SPTLC1: variants seen among roughly 807,000 people sequenced by gnomAD.
SPTLC1 encodes serine palmitoyltransferase long chain base subunit 1.
A neutral mutation model predicts 68.9 loss-of-function variants in SPTLC1; 55 were observed. The ratio of observed to expected loss-of-function variants is 0.80; its 90% CI spans 0.64 to 1.00. The LOEUF is 1.00. SPTLC1 is among the 50% of genes least tolerant of loss of function. The probability of loss-of-function intolerance (pLI) is 0.00; values close to 1 mark genes in which losing one functional copy is unlikely to be tolerated. For missense variants in SPTLC1, 449 were observed against 573.1 expected, an observed-to-expected ratio of 0.78 and a Z score of 2.21; for synonymous variants, 197 against 201.6, an observed-to-expected ratio of 0.98 and a Z score of 0.19.
chr9:92,107,035 A>G (rs1195631775), intron 3 of SPTLC1, among the ~76,000 whole-genome samples: 1 of 152,232 alleles, frequency 6.6e-6, no homozygotes, highest in East Asian at 1.9e-4. Context: ...AAGCCTCCTA[A>G]ATTAATCCAT....
At chr9:92,035,828 C>T (rs1193059600) in intron 13 of SPTLC1, among the ~76,000 whole-genome samples, 2 of 152,222 alleles carry the variant, frequency 1.3e-5, no homozygotes, top group Non-Finnish European at 2.9e-5. Context: ...AACAGCCTCC[C>T]GCTGACTCTA....
In SPTLC1 at chr9:92,032,397, T is replaced by C. The variant is rs777118329; in HGVS notation, c.*68A>G. The C allele has an allele frequency of 1.4e-5, 23 of 1,612,354 alleles. No individual in the cohort carries two copies. In the African/African-American group the frequency reaches 1.5e-4, roughly 10 times the overall value. On this transcript the variant is annotated 3_prime_UTR_variant, in exon 15 of 15. Coordinates refer to ENST00000262554, the MANE Select transcript of SPTLC1 (RefSeq NM_006415.4). ...TCTTGCTCTCTTTCAGGCCACTCCA[T>C]GGCCAGCGGGAGTCTTGAGTCCTCT... is the stretch of plus-strand genomic sequence containing the variant.
chr9:92,096,732 A>AT (rs1333111859), intron 3 of SPTLC1, among the ~76,000 whole-genome samples: 1 of 152,232 alleles, frequency 6.6e-6, no homozygotes, highest in African/African-American at 2.4e-5. Flanking sequence ...AACTGTTAGA[A>AT]GACAGGAAAG....
chr9:92,076,061 T>C (rs1337266988), intron 5 of SPTLC1, among the ~76,000 whole-genome samples: 1 of 152,156 alleles, frequency 6.6e-6, no homozygotes, highest in African/African-American at 2.4e-5. Flanking sequence ...ACTCTCCCCA[T>C]TTACAACCTC....
intron 2 of SPTLC1, chr9:92,111,156 T>A (rs1328613912): frequency 1.3e-5 from 2 of 152,172 alleles, no homozygotes; most frequent in Admixed American, 6.5e-5. Flanking sequence ...TCCAAATTAA[T>A]TTTCCTACAA....
intron 3 of SPTLC1, among the ~76,000 whole-genome samples, chr9:92,105,665 A>G (rs1835940423): frequency 6.7e-6 from 1 of 150,172 alleles, no homozygotes; most frequent in African/African-American, 2.5e-5. Context: ...GGCAGTGAGG[A>G]GCGCCTCTGC....
intron 9 of SPTLC1, 35 bp downstream of exon 9, chr9:92,049,925 A>G: frequency 7.6e-7 from 1 of 1,314,840 alleles, no homozygotes; most frequent in Non-Finnish European, 1.1e-6. Flanking sequence ...TGTCTCCTAT[A>G]AGAGGGGAAA....
chr9:92,034,322 T>C (rs1833068905), intron 14 of SPTLC1, among the ~76,000 whole-genome samples: 1 of 152,234 alleles, frequency 6.6e-6, no homozygotes, highest in Admixed American at 6.5e-5. Flanking sequence ...AGTAAGACAT[T>C]AGTCTTTCAC....
chr9:92,090,148 A>G (rs550765736), intron 3 of SPTLC1, among the ~76,000 whole-genome samples: 4 of 152,378 alleles, frequency 2.6e-5, no homozygotes, highest in African/African-American at 9.6e-5. Context: ...TGGCAATAAG[A>G]AAGTGGTAAA....
At chr9:92,092,126 T>G (rs73653022) in intron 3 of SPTLC1, among the ~76,000 whole-genome samples, 3,023 of 152,264 alleles carry the variant, frequency 0.02, 110 homozygotes, top group African/African-American at 0.069. Context: ...GTCAACTATT[T>G]GAATAATAAT....
intron 6 of SPTLC1, among the ~76,000 whole-genome samples, chr9:92,059,647 G>A (rs1283319723): frequency 6.6e-6 from 1 of 152,104 alleles, no homozygotes; most frequent in Non-Finnish European, 1.5e-5. Context: ...CACCATCAGT[G>A]GCATCTCTGA....
At chr9:92,034,746 T>C (rs972632708) in intron 14 of SPTLC1, 64 bp downstream of exon 14, 14 of 1,390,258 alleles carry the variant, frequency 1.0e-5, no homozygotes, top group East Asian at 2.3e-5. Flanking sequence ...TTTCAAAAGA[T>C]AACGTATTTC....
chr9:92,115,025 G>T, intron 1 of SPTLC1: 1 of 527,078 alleles, frequency 1.9e-6, no homozygotes. Flanking sequence ...GGTTTTTGCA[G>T]ACCTGTCTCC....
In SPTLC1 at chr9:92,070,470, G is replaced by A. The variant is rs894047071; in HGVS notation, c.428-2372C>T. Among the ~76,000 whole-genome samples the A allele has an allele frequency of 2.0e-5, 3 of 152,298 alleles. No homozygotes were observed. In the East Asian group the frequency reaches 5.8e-4, roughly 29 times the overall value. ...CAATTCACTGTTAGTATTAAACACG[G>A]CAGAGAAGTGACCATAGAGGGAGGT... On this transcript the variant is annotated intron_variant, in intron 5 of 14. Coordinates refer to ENST00000262554, the MANE Select transcript of SPTLC1 (RefSeq NM_006415.4).
At chr9:92,111,636 T>C (rs1015111205) in intron 2 of SPTLC1, 3 of 152,142 alleles carry the variant, frequency 2.0e-5, no homozygotes, top group Non-Finnish European at 4.4e-5. Flanking sequence ...TTATGAGGAA[T>C]AGTTATAACA....
At chr9:92,048,263 C>T (rs1367729197) in intron 9 of SPTLC1, among the ~76,000 whole-genome samples, 1 of 152,212 alleles carries the variant, frequency 6.6e-6, no homozygotes, top group Non-Finnish European at 1.5e-5. Context: ...TTGAGTCCTA[C>T]ATCTTTCTGA....
intron 8 of SPTLC1, among the ~76,000 whole-genome samples, chr9:92,053,035 T>C (rs79358184): frequency 0.021 from 3,176 of 150,918 alleles, 107 homozygotes; most frequent in African/African-American, 0.074. Flanking sequence ...AGGAATTCTT[T>C]TAAAAACAAA....
intron 3 of SPTLC1, among the ~76,000 whole-genome samples, chr9:92,086,319 T>C (rs1003493689): frequency 6.6e-6 from 1 of 152,200 alleles, no homozygotes; most frequent in Non-Finnish European, 1.5e-5. Context: ...CGTTAGTTGA[T>C]GCAGTTTCTT....
At chr9:92,108,534 T>C in intron 3 of SPTLC1, 1 of 611,068 alleles carries the variant, frequency 1.6e-6, no homozygotes, top group Non-Finnish European at 2.8e-6. Context: ...AGGGCAAACA[T>C]TAATGCTTAA....
Sources: allele counts gnomAD v4.1 joint callset (sites outside exome capture counted in the v4.1 genomes callset), GRCh38; gene constraint gnomAD v4.1.1; transcripts MANE v1.5; gene names NCBI Gene and HGNC (gene_info 2026-07-23, HGNC 2026-07-21).